AGAP3: variants seen among roughly 807,000 people sequenced by gnomAD.
AGAP3 encodes the protein arf-GAP with GTPase, ANK repeat and PH domain-containing protein 3.
In AGAP3, 24 loss-of-function variants were observed where a neutral mutation model predicts 96.9. That is an observed-to-expected ratio of 0.25 (90% confidence interval 0.18 to 0.35). AGAP3 has a LOEUF of 0.35. Ranked by LOEUF, AGAP3 falls within the 10% of genes least tolerant of loss-of-function variation. AGAP3 has a pLI of 1.00. For missense variants in AGAP3, 876 were observed against 1,254.2 expected (o/e 0.70, Z 4.55); for synonymous variants, 563 against 536.1 (o/e 1.05, Z -0.69).
At chr7:151,137,534 C>T (rs1800648279) in intron 11 of AGAP3, among the ~76,000 whole-genome samples, 1 of 152,136 alleles carries the variant, frequency 6.6e-6, no homozygotes, top group Non-Finnish European at 1.5e-5. Context: ...GAGAATTGTG[C>T]GGCGCTCTGT....
chr7:151,143,274 C>A lies in AGAP3; in HGVS notation c.2274-67C>A. ...GGTGCTCGCTTCCTTTCCTGCCCAC[C>A]TTCCTGGCCCCACCCGTTGCTCGGT... On this transcript the variant is annotated intron_variant, in intron 16 of 17. Coordinates refer to ENST00000397238, the MANE Select transcript of AGAP3 (RefSeq NM_031946.7). This position sits in a 1 kb window ranked among gnomAD's most constrained non-coding sequence, Gnocchi z 5.9. 1 of 1,530,834 alleles carries A rather than the reference C, an allele frequency of 6.5e-7. No individual in the cohort carries two copies. The allele number at this position is 1,530,834 out of a possible 1,614,324, so 94.8% of individuals were successfully genotyped here.
At chr7:151,097,065 G>A (rs772282124) in intron 1 of AGAP3, among the ~76,000 whole-genome samples, 6 of 149,262 alleles carry the variant, frequency 4.0e-5, no homozygotes, top group South Asian at 2.2e-4. Flanking sequence ...GACGACAGGC[G>A]TGAGTGAGCC....
chr7:151,114,704 G>A lies in AGAP3; in HGVS notation c.332-2089G>A. On this transcript the variant is annotated intron_variant, in intron 1 of 17. Transcript: ENST00000397238. This position sits in a 1 kb window ranked among gnomAD's most constrained non-coding sequence, Gnocchi z 4.4. ...CCGGAGGTCCGTGCGCCCCGGCCGC[G>A]GCCCCGGCCCGGGCCCAGCCCCGTG... 2 of 997,034 alleles carry A rather than the reference G, an allele frequency of 2.0e-6. No individual in the cohort carries two copies. Among genetic ancestry groups the A allele is most frequent in the South Asian group, 9.3e-5 (2 of 21,548 alleles). 61.8% of individuals were successfully genotyped at this position (997,034 alleles called of 1,614,324 possible).
intron 8 of AGAP3, among the ~76,000 whole-genome samples, chr7:151,121,216 G>A (rs1028021641): frequency 4.6e-5 from 7 of 152,068 alleles, no homozygotes; most frequent in African/African-American, 1.7e-4. Context: ...ACCTGCCCTC[G>A]CGGCCATCCA....
rs766871984 is a variant in AGAP3, at chr7:151,128,596, G to A, written c.1238G>A (p.Arg413Gln). 1.3e-5 allele frequency: 21 copies of A among 1,613,658 alleles called. No homozygotes were observed. Among genetic ancestry groups the A allele is most frequent in the African/African-American group, 4.0e-5 (3 of 74,912 alleles). Residue 413 changes from arginine to glutamine, a missense_variant, in exon 10 of 18, where the codon CGG (arginine) becomes CAG (glutamine). Arg to Gln is a conservative substitution (Grantham distance 43). Coordinates refer to ENST00000397238, the MANE Select transcript of AGAP3 (RefSeq NM_031946.7). ...IPIKQGILLKRSGKSLNKEWK... is the reference protein window; with the variant it reads ...IPIKQGILLKQSGKSLNKEWK... ...TGTTCTCAGGGGATCCTGCTAAAGC[G>A]GAGCGGCAAGTCCCTGAACAAGGAG... is the stretch of plus-strand genomic sequence containing the variant.
At position 151,143,922 on chromosome 7, in the gene AGAP3, C is replaced by T. The variant is rs933286278; in HGVS notation, c.2715C>T (p.His905=). 3.1e-6 allele frequency: 5 copies of T among 1,613,900 alleles called. No individual in the cohort carries two copies. Among genetic ancestry groups the T allele is most frequent in the African/African-American group, 1.3e-5 (1 of 74,916 alleles). Residue 905 remains histidine, a synonymous_variant, in exon 18 of 18, where the codon CAC becomes CAT. Coordinates refer to ENST00000397238, the MANE Select transcript of AGAP3 (RefSeq NM_031946.7). This position sits in a 1 kb window ranked among gnomAD's most constrained non-coding sequence, Gnocchi z 5.9. ...ANGTNPSAEL[H]RSPSLL ...GCACCAACCCCTCTGCTGAGCTGCA[C>T]CGTAGTCCTAGCCTCCTATAAGGCC...
At chr7:151,086,067 A>C (rs1798130885), upstream of AGAP3, 2 of 152,388 alleles carry the variant, frequency 1.3e-5, no homozygotes, top group African/African-American at 4.8e-5. Flanking sequence ...CTCGGTCAGC[A>C]GCACCCTCAG....
rs1489096193 is a variant in AGAP3 at position 151,096,313 on chromosome 7, A to G, written c.331+9241A>G. ...TGGGGTACGTTGGTTTAGCTCATCC[A>G]GGCCCAGGGGAAGGGACCTGAGGGG... On this transcript the variant is annotated intron_variant, in intron 1 of 17. Transcript: ENST00000397238. This position sits in a 1 kb window ranked among gnomAD's most constrained non-coding sequence, Gnocchi z 4.4. Among the ~76,000 whole-genome samples, 1 of 152,150 alleles carries G rather than the reference A, an allele frequency of 6.6e-6. No homozygotes were observed. Among genetic ancestry groups the G allele is most frequent in the African/African-American group, 2.4e-5 (1 of 41,418 alleles).
chr7:151,093,392 C>T (rs1393256854), intron 1 of AGAP3, among the ~76,000 whole-genome samples: 3 of 152,188 alleles, frequency 2.0e-5, no homozygotes, highest in African/African-American at 4.8e-5. Context: ...TTTTCCACCT[C>T]GGCCTCCCAA....
At chr7:151,112,877 C>T (rs1466072687) in intron 1 of AGAP3, among the ~76,000 whole-genome samples, 4 of 152,170 alleles carry the variant, frequency 2.6e-5, no homozygotes, top group Non-Finnish European at 4.4e-5. Flanking sequence ...GCTGGGATTA[C>T]AGGCGCGAGA....
At chr7:151,115,716 CGAG>C in intron 1 of AGAP3, 1 of 937,764 alleles carries the variant, frequency 1.1e-6, no homozygotes, top group Non-Finnish European at 1.3e-6. Flanking sequence ...CCAGGGCAGG[CGAG>C]CTGCCGCGCG....
At chr7:151,123,368 G>C in intron 8 of AGAP3, 1 of 1,050,516 alleles carries the variant, frequency 9.5e-7, no homozygotes, top group Non-Finnish European at 1.1e-6. Context: ...GACGCGCTCG[G>C]TGCCACGTGC....
intron 8 of AGAP3, among the ~76,000 whole-genome samples, chr7:151,121,728 C>T (rs1040225465): frequency 7.2e-5 from 11 of 152,180 alleles, no homozygotes; most frequent in African/African-American, 7.2e-5. Flanking sequence ...CTCACAGCGG[C>T]GACCTTATAT....
At position 151,095,345 on chromosome 7, in the gene AGAP3, G is replaced by A. The variant is rs566284431; in HGVS notation, c.331+8273G>A. ...AGGCTGGCTGTGCCCGCTCCATACCGTAGCCCCAGATGGCTGTACCTTAGG... is the reference window on the plus strand; with the variant it reads ...AGGCTGGCTGTGCCCGCTCCATACCATAGCCCCAGATGGCTGTACCTTAGG... On this transcript the variant is annotated intron_variant, in intron 1 of 17. Transcript: ENST00000397238. 2.6e-5 allele frequency among the ~76,000 whole-genome samples: 4 copies of A among 152,262 alleles called. No individual in the cohort carries two copies. The South Asian group carries it at 8.3e-4, about 32-fold the overall frequency.
intron 8 of AGAP3, chr7:151,120,609 CGCCTTCCGGCT>C (rs1336153412): frequency 1.2e-5 from 16 of 1,293,732 alleles, no homozygotes; most frequent in Non-Finnish European, 1.6e-5. Flanking sequence ...GCCTCCCCGT[CGCCTTCCGGCT>C]CTTTTTCCGT....
At chr7:151,115,419 C>T (rs1317355098) in intron 1 of AGAP3, 9 of 1,009,502 alleles carry the variant, frequency 8.9e-6, no homozygotes, top group African/African-American at 5.2e-5. Flanking sequence ...CGCGCGCACC[C>T]GTAGCGACGG....
chr7:151,095,700 A>C (rs1229808096), intron 1 of AGAP3, among the ~76,000 whole-genome samples: 54 of 43,290 alleles, frequency 1.2e-3, no homozygotes, highest in Non-Finnish European at 1.6e-3. Flanking sequence ...TCACAGTTGT[A>C]CAAAAAAAAA....
At position 151,143,799 on chromosome 7, in the gene AGAP3, G is replaced by T. The variant is rs753029576; in HGVS notation, c.2592G>T (p.Arg864=). Residue 864 remains arginine (R), a synonymous_variant, in exon 18 of 18, where the codon CGG becomes CGT. Coordinates refer to ENST00000397238, the MANE Select transcript of AGAP3 (RefSeq NM_031946.7). This position sits in a 1 kb window ranked among gnomAD's most constrained non-coding sequence, Gnocchi z 5.9. The part of the protein sequence containing the change: ...RGLTPLAYAR[R]AGSQECADIL... ...TGACTCCACTGGCATATGCTCGCCG[G>T]GCCGGCAGCCAGGAGTGTGCAGACA... The T allele has an allele frequency of 1.2e-6, 2 of 1,614,004 alleles. No homozygotes were observed. The highest frequency in any genetic ancestry group is 2.7e-5 in the African/African-American group (2 of 74,944).
In AGAP3 at chr7:151,141,591, A is replaced by T; in HGVS notation, c.1805-307A>T. The T allele has an allele frequency of 2.5e-6, 1 of 394,532 alleles. No individual in the cohort carries two copies. The highest frequency in any genetic ancestry group is 4.7e-6 in the Non-Finnish European group (1 of 211,988). 24.4% of individuals were successfully genotyped at this position (394,532 alleles called of 1,614,324 possible). A position where few individuals can be genotyped will look rare whatever the true frequency, so the allele number is the denominator to read the frequency against. On this transcript the variant is annotated intron_variant, in intron 13 of 17. Coordinates refer to ENST00000397238, the MANE Select transcript of AGAP3 (RefSeq NM_031946.7). The surrounding 1 kb of genome is among the most constrained non-coding windows in gnomAD (Gnocchi z 4.2). ...ATACTCAGCTCTTTCTGTGGGATGC[A>T]CCCCTCTCTGGTTTCACACCCATTC...
Sources: gnomAD v4.1 joint callset for allele counts (sites outside exome capture counted in the v4.1 genomes callset) on GRCh38, gnomAD v4.1.1 for gene constraint, Gnocchi (gnomAD v3.1) non-coding constraint, MANE v1.5 for transcripts, NCBI Gene and HGNC (gene_info 2026-07-23, HGNC 2026-07-21) for gene names.